Variants in POFUT3 observed in about 807,000 individuals in gnomAD.
POFUT3 encodes the protein GDP-fucose protein O-fucosyltransferase 3.
the POFUT3 span, among the ~76,000 whole-genome samples, chr8:33,405,351 A>C: frequency 0.38 from 57,136 of 151,978 alleles, 11,515 homozygotes; most frequent in South Asian, 0.51. Context: ...CATCGTCTTA[A>C]GAACTTTCTC....
chr8:33,390,695 C>T, the POFUT3 span, among the ~76,000 whole-genome samples: 26 of 151,584 alleles, frequency 1.7e-4, no homozygotes, highest in South Asian at 2.1e-3. Context: ...CTTTTAAAGA[C>T]GAAAGAGCTG....
the POFUT3 span, among the ~76,000 whole-genome samples, chr8:33,425,598 A>T: frequency 1.3e-5 from 2 of 151,866 alleles, no homozygotes; most frequent in Non-Finnish European, 2.9e-5. Flanking sequence ...TAGCCAGAGG[A>T]AGGGGGAGGG....
the POFUT3 span, among the ~76,000 whole-genome samples, chr8:33,316,181 G>A: frequency 8.5e-5 from 13 of 152,152 alleles, no homozygotes; most frequent in African/African-American, 2.9e-4. Flanking sequence ...TGTATGAGTA[G>A]GTAACCCTTT....
the POFUT3 span, among the ~76,000 whole-genome samples, chr8:33,437,986 G>A: frequency 6.6e-6 from 1 of 152,088 alleles, no homozygotes; most frequent in East Asian, 1.9e-4. Flanking sequence ...TTAGACACCT[G>A]TACTCAGGAA....
the POFUT3 span, among the ~76,000 whole-genome samples, chr8:33,410,456 A>G: frequency 5.9e-5 from 9 of 152,112 alleles, no homozygotes; most frequent in African/African-American, 2.2e-4. Context: ...TAGCACCCAC[A>G]GGGGAGGAGG....
At chr8:33,315,901 A>G in the POFUT3 span, among the ~76,000 whole-genome samples, 1 of 152,176 alleles carries the variant, frequency 6.6e-6, no homozygotes, top group African/African-American at 2.4e-5. Context: ...CTTTAAAATA[A>G]TGTATGTTTC....
the POFUT3 span, among the ~76,000 whole-genome samples, chr8:33,406,902 G>A: frequency 9.9e-5 from 15 of 151,948 alleles, no homozygotes; most frequent in Middle Eastern, 3.2e-3. Context: ...ATAGTGATAC[G>A]TTCATTCATT....
chr8:33,318,565 A>T, the POFUT3 span, among the ~76,000 whole-genome samples: 1 of 92,234 alleles, frequency 1.1e-5, no homozygotes, highest in Non-Finnish European at 1.9e-5. Flanking sequence ...ATATATATAT[A>T]ATATATAAAT....
At chr8:33,380,465 T>C in the POFUT3 span, among the ~76,000 whole-genome samples, 3,140 of 150,896 alleles carry the variant, frequency 0.021, 107 homozygotes, top group African/African-American at 0.073. Flanking sequence ...GATAAGAAAA[T>C]GGATGGTTTA....
the POFUT3 span, among the ~76,000 whole-genome samples, chr8:33,419,303 G>A: frequency 2.6e-5 from 4 of 152,220 alleles, no homozygotes; most frequent in African/African-American, 9.6e-5. Flanking sequence ...TTTGGCACCA[G>A]GGACTGGTTT....
chr8:33,463,520 TG>T, the POFUT3 span, among the ~76,000 whole-genome samples: 1 of 149,680 alleles, frequency 6.7e-6, no homozygotes, highest in East Asian at 2.0e-4. Flanking sequence ...AAAAAAAAGG[TG>T]GGCTCCCCTC....
the POFUT3 span, among the ~76,000 whole-genome samples, chr8:33,365,259 C>A: frequency 0.2 from 30,541 of 152,032 alleles, 3,713 homozygotes; most frequent in South Asian, 0.51. Context: ...AAAATTAATT[C>A]AAGATGGATT....
At chr8:33,352,640 A>G in the POFUT3 span, among the ~76,000 whole-genome samples, 1 of 152,226 alleles carries the variant, frequency 6.6e-6, no homozygotes, top group African/African-American at 2.4e-5. Flanking sequence ...GAGAGGAAAT[A>G]GAGACAAATA....
At chr8:33,451,066 A>ATGTGTGTGTGTGTG in the POFUT3 span, among the ~76,000 whole-genome samples, 1 of 148,022 alleles carries the variant, frequency 6.8e-6, no homozygotes, top group Non-Finnish European at 1.5e-5. Flanking sequence ...AAGGAGGTGT[A>ATGTGTGTGTGTGTG]TGTGTGTGTG....
chr8:33,369,158 G>A, the POFUT3 span, among the ~76,000 whole-genome samples: 1 of 152,152 alleles, frequency 6.6e-6, no homozygotes, highest in Non-Finnish European at 1.5e-5. Context: ...CATCTATTGA[G>A]CAAAGTGAAC....
At chr8:33,422,018 GAAAACA>G in the POFUT3 span, among the ~76,000 whole-genome samples, 13,695 of 149,528 alleles carry the variant, frequency 0.092, 1,062 homozygotes, top group African/African-American at 0.21. Flanking sequence ...CAACCACACA[GAAAACA>G]AAAACAAAAA....
At chr8:33,431,041 G>A in the POFUT3 span, among the ~76,000 whole-genome samples, 1 of 152,126 alleles carries the variant, frequency 6.6e-6, no homozygotes, top group Non-Finnish European at 1.5e-5. Context: ...CTTGGAAAGT[G>A]TGCATTGTGG....
At chr8:33,361,715 C>T in the POFUT3 span, among the ~76,000 whole-genome samples, 11 of 152,192 alleles carry the variant, frequency 7.2e-5, no homozygotes, top group East Asian at 7.7e-4. Context: ...ATATAGAATA[C>T]GTTAACAAAT....
the POFUT3 span, among the ~76,000 whole-genome samples, chr8:33,424,922 CA>C: frequency 1.3e-5 from 2 of 152,220 alleles, no homozygotes; most frequent in African/African-American, 2.4e-5. Context: ...ACAGATTCAA[CA>C]GTGAGCAAAG....
Sources: gnomAD v4.1 joint callset for allele counts (sites outside exome capture counted in the v4.1 genomes callset) on GRCh38, gnomAD v4.1.1 for gene constraint, MANE v1.5 for transcripts, NCBI Gene and HGNC (gene_info 2026-07-23, HGNC 2026-07-21) for gene names.